The following MSANTD7 variants were observed in gnomAD, a reference collection of about 807,000 sequenced individuals.
MSANTD7 encodes zinc finger and SCAN domain containing 29.
chr10:14,846,515 G>T, the MSANTD7 span: 2 of 985,214 alleles, frequency 2.0e-6, no homozygotes, highest in Admixed American at 6.2e-5. Context: ...GGAATACAGG[G>T]AGACAGTGTG....
At chr10:14,844,114 T>C in the MSANTD7 span, 9 of 1,368,886 alleles carry the variant, frequency 6.6e-6, no homozygotes, top group South Asian at 6.2e-5. Context: ...TAGAAAACGA[T>C]GGAGCCACGT....
the MSANTD7 span, chr10:14,840,146 C>A: frequency 7.0e-7 from 1 of 1,434,280 alleles, no homozygotes; most frequent in Non-Finnish European, 9.3e-7. Context: ...TAAAGCAGAT[C>A]CTGGGCAGAA....
the MSANTD7 span, chr10:14,844,890 A>G: frequency 4.1e-5 from 40 of 985,200 alleles, no homozygotes; most frequent in Middle Eastern, 5.2e-4. Context: ...TTTTTTGTCT[A>G]GTATGTTATA....
At chr10:14,840,800 T>C in the MSANTD7 span, among the ~76,000 whole-genome samples, 79 of 152,352 alleles carry the variant, frequency 5.2e-4, no homozygotes, top group Middle Eastern at 6.8e-3. Flanking sequence ...ATAGAGTGTT[T>C]TTAAATTTTC....
At chr10:14,843,939 A>G in the MSANTD7 span, 4 of 1,530,256 alleles carry the variant, frequency 2.6e-6, no homozygotes, top group East Asian at 2.4e-5. Flanking sequence ...GTAGAAGTCT[A>G]GTTCCCAAAC....
At chr10:14,845,056 A>G in the MSANTD7 span, 1 of 985,312 alleles carries the variant, frequency 1.0e-6, no homozygotes, top group Admixed American at 6.2e-5. Context: ...GATGGTGTGG[A>G]TAAAGATTGC....
At chr10:14,840,872 G>A in the MSANTD7 span, among the ~76,000 whole-genome samples, 1 of 152,136 alleles carries the variant, frequency 6.6e-6, no homozygotes, top group South Asian at 2.1e-4. Context: ...AATTGGCAAC[G>A]CAAATACTAT....
At chr10:14,840,342 T>C in the MSANTD7 span, among the ~76,000 whole-genome samples, 1 of 152,206 alleles carries the variant, frequency 6.6e-6, no homozygotes, top group Non-Finnish European at 1.5e-5. Context: ...TCTTCTCTGA[T>C]ATGGGATTCA....
At chr10:14,846,588 T>C in the MSANTD7 span, 1 of 979,792 alleles carries the variant, frequency 1.0e-6, no homozygotes, top group East Asian at 1.1e-4. Context: ...TGAACCCCCT[T>C]AGAAAAGCTT....
the MSANTD7 span, chr10:14,839,993 TC>T: frequency 6.3e-7 from 1 of 1,599,226 alleles, no homozygotes; most frequent in South Asian, 1.1e-5. Context: ...GAGGTACTAG[TC>T]CCCCCATTTT....
chr10:14,842,006 A>T, the MSANTD7 span: 1 of 610,880 alleles, frequency 1.6e-6, no homozygotes, highest in African/African-American at 1.8e-5. The surrounding 1 kb of genome is among the most constrained non-coding windows in gnomAD (Gnocchi z 5.2). Context: ...GTGAACTCCC[A>T]AAGTTGGGCT....
chr10:14,843,652 G>T, the MSANTD7 span: 1 of 1,549,444 alleles, frequency 6.5e-7, no homozygotes. Context: ...GACTATCGCA[G>T]CCGAGTTGGC....
At chr10:14,843,767 A>T in the MSANTD7 span, 2 of 1,536,384 alleles carry the variant, frequency 1.3e-6, no homozygotes, top group Non-Finnish European at 1.7e-6. Context: ...GATACTGCCA[A>T]TGAGCTCCGC....
At chr10:14,843,086 T>C in the MSANTD7 span, among the ~76,000 whole-genome samples, 1 of 152,172 alleles carries the variant, frequency 6.6e-6, no homozygotes, top group African/African-American at 2.4e-5. Flanking sequence ...AGAACCAAAC[T>C]AGTTCTGGCA....
chr10:14,842,126 C>G, the MSANTD7 span: 1 of 1,529,598 alleles, frequency 6.5e-7, no homozygotes, highest in South Asian at 1.2e-5. The surrounding 1 kb of genome is among the most constrained non-coding windows in gnomAD (Gnocchi z 5.2). Flanking sequence ...TCCCCTGTGG[C>G]CTTCCAGCCA....
chr10:14,844,306 A>G, the MSANTD7 span: 19 of 1,077,780 alleles, frequency 1.8e-5, no homozygotes, highest in Non-Finnish European at 2.0e-5. Context: ...AAAGCACTGT[A>G]CACATTTAAG....
At chr10:14,839,571 C>CAA in the MSANTD7 span, among the ~76,000 whole-genome samples, 64 of 79,776 alleles carry the variant, frequency 8.0e-4, no homozygotes, top group African/African-American at 2.2e-3. Flanking sequence ...ACTCCGTGTC[C>CAA]AAAAAAAAAA....
chr10:14,843,382 G>T, the MSANTD7 span: 2 of 1,550,788 alleles, frequency 1.3e-6, no homozygotes, highest in Non-Finnish European at 1.7e-6. Context: ...GTGCTCTCAA[G>T]GGACCCCCAG....
chr10:14,844,158 G>T, the MSANTD7 span: 8 of 1,291,640 alleles, frequency 6.2e-6, no homozygotes, highest in Non-Finnish European at 7.9e-6. Context: ...CTTTGTCACA[G>T]ATGTGAAGCA....
Sources: allele counts gnomAD v4.1 joint callset (sites outside exome capture counted in the v4.1 genomes callset), GRCh38; gene constraint gnomAD v4.1.1; non-coding constraint Gnocchi (gnomAD v3.1); transcripts MANE v1.5; gene names NCBI Gene and HGNC (gene_info 2026-07-23, HGNC 2026-07-21).